Variants in ZNF736 observed in about 807,000 individuals in gnomAD.
ZNF736 encodes the protein KRAB-containing zinc-finger repressor protein.
A neutral mutation model predicts 11.7 loss-of-function variants in ZNF736; 6 were observed. The ratio of observed to expected loss-of-function variants is 0.51; its 90% CI spans 0.28 to 1.01. The LOEUF is 1.01. ZNF736 is among the 50% of genes least tolerant of loss of function. The pLI is 0.09. For synonymous variants in ZNF736, 139 were observed against 164.7 expected (o/e 0.84, Z 1.19); for missense variants, 444 against 496.0 (o/e 0.90, Z 1.00).
At chr7:64,326,807 A>G (rs1447540239) in intron 1 of ZNF736, among the ~76,000 whole-genome samples, 3 of 152,072 alleles carry the variant, frequency 2.0e-5, no homozygotes, top group East Asian at 3.8e-4. Flanking sequence ...TTGGCCTACT[A>G]GTCATTCAGG....
intron 1 of ZNF736, among the ~76,000 whole-genome samples, chr7:64,319,325 GTGTATGTGTA>G (rs1788963357): frequency 2.8e-5 from 2 of 70,350 alleles, no homozygotes; most frequent in Non-Finnish European, 2.7e-5. Context: ...ATGTGTGTGT[GTGTATGTGTA>G]TATATATATA....
At chr7:64,314,350 T>C (rs1788881356) in intron 1 of ZNF736, among the ~76,000 whole-genome samples, 197 bp downstream of exon 1, 1 of 152,104 alleles carries the variant, frequency 6.6e-6, no homozygotes, top group African/African-American at 2.4e-5. Context: ...CGCTACGTCT[T>C]GTTTTGTCCC....
chr7:64,346,259 T>C (rs527307777), intron 3 of ZNF736, among the ~76,000 whole-genome samples: 85 of 152,292 alleles, frequency 5.6e-4, no homozygotes, highest in African/African-American at 1.9e-3. Context: ...TTCAACTTAA[T>C]AAATTGTTGC....
rs192410429 is a variant in ZNF736 at position 64,336,981 on chromosome 7, A to G, written c.225A>G (p.Pro75=). ...VKRQEAVAKH[P]AGSFHFTAEI... is the part of the protein sequence containing the mutation. ...GACAGGAGGCAGTAGCCAAACACCC[A>G]GGTAGGTGGGAGTGAATGAAGCAGA... is the stretch of plus-strand genomic sequence containing the variant. The change falls in exon 3 of 4, where the codon CCA becomes CCG. Residue 75 remains proline (P), a splice_region_variant and synonymous_variant. Coordinates refer to ENST00000423484, the MANE Select transcript of ZNF736 (RefSeq NM_001170905.3). 1.2e-4 allele frequency: 192 copies of G among 1,599,234 alleles called. No individual in the cohort carries two copies. Among genetic ancestry groups the G allele is most frequent in the Non-Finnish European group, 1.6e-4 (190 of 1,172,360 alleles).
intron 1 of ZNF736, among the ~76,000 whole-genome samples, chr7:64,328,989 G>A (rs1253737509): frequency 1.4e-5 from 2 of 147,516 alleles, no homozygotes; most frequent in African/African-American, 5.0e-5. Context: ...GACTGTATCT[G>A]TTCAAATAAC....
At position 64,349,768 on chromosome 7, in the gene ZNF736, C is replaced by T. The variant is rs1008985002; in HGVS notation, c.*621C>T. The T allele has an allele frequency of 3.9e-4, 60 of 152,318 alleles. No individual in the cohort carries two copies. Among genetic ancestry groups the T allele is most frequent in the African/African-American group, 1.4e-3 (58 of 41,446 alleles). The allele number at this position is 152,318 out of a possible 1,614,324, so 9.4% of individuals were successfully genotyped here. A position where few individuals can be genotyped will look rare whatever the true frequency, so the allele number is the denominator to read the frequency against. ...GACAGATCCTGTGGTAACATTTTCTCAGCATTTGCTTGTCTGAATAGGATC... is the reference window on the plus strand; with the variant it reads ...GACAGATCCTGTGGTAACATTTTCTTAGCATTTGCTTGTCTGAATAGGATC... On this transcript the variant is annotated 3_prime_UTR_variant, in exon 4 of 4. Transcript: ENST00000423484.
intron 1 of ZNF736, among the ~76,000 whole-genome samples, chr7:64,317,777 T>C (rs1274011649): frequency 6.6e-6 from 1 of 152,144 alleles, no homozygotes; most frequent in Non-Finnish European, 1.5e-5. Context: ...TTTATTTTTC[T>C]CTTTCTCCAG....
chr7:64,331,028 A>G (rs145482257), intron 1 of ZNF736, among the ~76,000 whole-genome samples: 1 of 152,330 alleles, frequency 6.6e-6, no homozygotes, highest in East Asian at 1.9e-4. Flanking sequence ...GGGTAAGGGT[A>G]ATAATGCAGG....
intron 1 of ZNF736, among the ~76,000 whole-genome samples, chr7:64,329,683 C>T (rs1439368999): frequency 2.0e-5 from 3 of 152,178 alleles, no homozygotes; most frequent in African/African-American, 7.2e-5. Flanking sequence ...CTGTGGCCAC[C>T]ATCACTAGGA....
At chr7:64,329,613 A>ATC (rs760750110) in intron 1 of ZNF736, among the ~76,000 whole-genome samples, 56 of 151,676 alleles carry the variant, frequency 3.7e-4, no homozygotes, top group Middle Eastern at 3.4e-3. Flanking sequence ...AATAAATGGA[A>ATC]TCTCTCTCTC....
chr7:64,329,100 TG>T (rs1789122349), intron 1 of ZNF736, among the ~76,000 whole-genome samples: 1 of 152,138 alleles, frequency 6.6e-6, no homozygotes, highest in Admixed American at 6.5e-5. Context: ...CCAGAATTTT[TG>T]CTAGATTCTT....
In ZNF736 at chr7:64,348,366, G is replaced by C; in HGVS notation, c.503G>C (p.Ser168Thr). Residue 168 changes from serine to threonine, a missense_variant, in exon 4 of 4, where the codon AGC becomes ACC. By Grantham distance (58) the Ser-to-Thr change is moderately conservative. Transcript: ENST00000423484. The part of the protein sequence containing the change: ...SIFTEHKDIF[S>T]REKCHKCEEC... ...TTCACTGAACATAAAGACATTTTTA[G>C]CAGAGAGAAATGCCACAAATGTGAA... 6.4e-7 allele frequency: 1 copy of C among 1,551,334 alleles called. No individual in the cohort carries two copies. Among genetic ancestry groups the C allele is most frequent in the Non-Finnish European group, 8.7e-7 (1 of 1,146,834 alleles).
At chr7:64,329,185 G>A in intron 1 of ZNF736, among the ~76,000 whole-genome samples, 1 of 149,118 alleles carries the variant, frequency 6.7e-6, no homozygotes, top group East Asian at 2.0e-4. Flanking sequence ...TTTGAATTTT[G>A]CTGAGCTTTT....
At position 64,356,533 on chromosome 7, in the gene ZNF736, A is replaced by T. The variant is rs1204565247; in HGVS notation, c.*7386A>T. Among the ~76,000 whole-genome samples, 1 of 152,306 alleles carries T rather than the reference A, an allele frequency of 6.6e-6. No homozygotes were observed. The highest frequency in any genetic ancestry group is 2.1e-4 in the South Asian group (1 of 4,834). ...AAATTTTTTTAAGATTGAGGATAAT[A>T]TGTAAAATAATTTATACAAGTAATA... On this transcript the variant is annotated 3_prime_UTR_variant, in exon 4 of 4. Transcript: ENST00000423484.
At chr7:64,336,009 G>T (rs368929335) in intron 1 of ZNF736, among the ~76,000 whole-genome samples, 7 of 152,218 alleles carry the variant, frequency 4.6e-5, no homozygotes, top group Non-Finnish European at 7.3e-5. Context: ...GTACATGCCT[G>T]TGTTAATGTC....
chr7:64,332,568 A>T (rs1584270323), intron 1 of ZNF736, among the ~76,000 whole-genome samples: 2 of 152,232 alleles, frequency 1.3e-5, no homozygotes, highest in South Asian at 4.1e-4. Flanking sequence ...AACAACAGAA[A>T]ACAGGTTTCA....
chr7:64,327,211 G>A (rs1312244810), intron 1 of ZNF736, among the ~76,000 whole-genome samples: 1 of 152,148 alleles, frequency 6.6e-6, no homozygotes, highest in Non-Finnish European at 1.5e-5. Context: ...GTTCTCCAAT[G>A]TTAGGTGCAT....
Position 64,327,784 on chromosome 7 carries a change from TAACAC to T in ZNF736, c.4-8473_4-8469del, listed in dbSNP as rs369123785. 3.8e-3 allele frequency among the ~76,000 whole-genome samples: 580 copies of T among 152,320 alleles called. 3 individuals are homozygous for T. Among genetic ancestry groups the T allele is most frequent in the African/African-American group, 0.012 (508 of 41,582 alleles). Reference sequence around the variant, plus strand: ...CCATTATTTTAAACGGATGGCAACTTAACACATATTGTAAAAATGAACAAACAAGA... The same window carrying T: ...CCATTATTTTAAACGGATGGCAACTTATATTGTAAAAATGAACAAACAAGA... On this transcript the variant is annotated intron_variant, in intron 1 of 3. Coordinates refer to ENST00000423484, the MANE Select transcript of ZNF736 (RefSeq NM_001170905.3).
At chr7:64,332,826 T>A (rs1422105855) in intron 1 of ZNF736, among the ~76,000 whole-genome samples, 2 of 152,182 alleles carry the variant, frequency 1.3e-5, no homozygotes, top group Non-Finnish European at 2.9e-5. Flanking sequence ...CATGCCTGTT[T>A]ATAGGCTCTC....
Sources: allele counts gnomAD v4.1 joint callset (sites outside exome capture counted in the v4.1 genomes callset), GRCh38; gene constraint gnomAD v4.1.1; transcripts MANE v1.5; gene names NCBI Gene and HGNC (gene_info 2026-07-23, HGNC 2026-07-21).